Variants in PLCE1 observed in about 807,000 individuals in gnomAD.
PLCE1 encodes phospholipase C epsilon 1, also known as 1-phosphatidylinositol 4,5-bisphosphate phosphodiesterase epsilon-1.
PLCE1 carries 119 observed loss-of-function variants against 242.8 expected under a neutral mutation model. That is an observed-to-expected ratio of 0.49 (90% CI 0.42 to 0.57). PLCE1 has a LOEUF of 0.57. Ranked by LOEUF, PLCE1 falls within the 20% of genes least tolerant of loss-of-function variation. The pLI, the probability that PLCE1 is intolerant of heterozygous loss-of-function variation, is 0.00. For synonymous variants in PLCE1, 945 were observed against 1,017.4 expected (o/e 0.93, Z 1.35); for missense variants, 2,441 against 2,788.8 (o/e 0.88, Z 2.81).
At chr10:94,279,607 C>A in intron 19 of PLCE1, 175 bp from the exon 20 acceptor site, 1 of 668,134 alleles carries the variant, frequency 1.5e-6, no homozygotes, top group South Asian at 1.8e-5. Flanking sequence ...TAACGTTCAC[C>A]CAAGTGTTGA....
intron 3 of PLCE1, among the ~76,000 whole-genome samples, chr10:94,146,281 A>C (rs111373528): frequency 2.0e-5 from 3 of 152,284 alleles, no homozygotes; most frequent in African/African-American, 7.2e-5. Flanking sequence ...GGCATGAGAC[A>C]CTGGTTACAG....
intron 2 of PLCE1, among the ~76,000 whole-genome samples, chr10:94,058,317 C>T (rs1302009050): frequency 6.6e-6 from 1 of 152,066 alleles, no homozygotes; most frequent in Non-Finnish European, 1.5e-5. Flanking sequence ...TTTTGCCTGT[C>T]TCTGGAATTA....
intron 2 of PLCE1, chr10:94,105,139 A>G (rs1331780402): frequency 1.3e-5 from 2 of 152,240 alleles, no homozygotes; most frequent in Non-Finnish European, 2.9e-5. Context: ...AAATAATCAG[A>G]GGAGACCCTT....
chr10:94,227,026 G>A (rs2049969114), intron 4 of PLCE1: 1 of 364,796 alleles, frequency 2.7e-6, no homozygotes, highest in Non-Finnish European at 5.3e-6. Flanking sequence ...ATAGGCGCCT[G>A]CCACCATGCC....
At chr10:94,241,072 AT>A (rs1390998671) in intron 7 of PLCE1, among the ~76,000 whole-genome samples, 2 of 152,192 alleles carry the variant, frequency 1.3e-5, no homozygotes, top group Non-Finnish European at 2.9e-5. Flanking sequence ...ATTACAAACA[AT>A]TGTCAATTTT....
chr10:94,217,630 A>G (rs138655253), intron 4 of PLCE1, among the ~76,000 whole-genome samples: 5 of 152,338 alleles, frequency 3.3e-5, no homozygotes, highest in African/African-American at 1.2e-4. Context: ...GCTGTTGGCA[A>G]TTCCCCAAAT....
At chr10:94,315,301 T>C (rs921388331) in intron 28 of PLCE1, 36 of 422,510 alleles carry the variant, frequency 8.5e-5, no homozygotes, top group African/African-American at 7.3e-4. Context: ...CTCTGGGCTT[T>C]GCCTTATTGG....
chr10:94,134,473 T>G (rs1489392760), intron 3 of PLCE1, among the ~76,000 whole-genome samples: 1 of 152,230 alleles, frequency 6.6e-6, no homozygotes, highest in Non-Finnish European at 1.5e-5. Flanking sequence ...AAAACCCAGA[T>G]GGGTTTCTCA....
chr10:94,252,546 G>T lies in PLCE1; in HGVS notation c.3279+48G>T, dbSNP rs548285411. On this transcript the variant is annotated intron_variant, in intron 9 of 32. Coordinates refer to ENST00000371380, the MANE Select transcript of PLCE1 (RefSeq NM_016341.4). Reference sequence around the variant, plus strand: ...AGCATTAAACCCATCTTCCAGGACCGCTGTATGGTGAACATCACCATAAAA... The same window carrying T: ...AGCATTAAACCCATCTTCCAGGACCTCTGTATGGTGAACATCACCATAAAA... 20 of 1,471,412 alleles carry T rather than the reference G, an allele frequency of 1.4e-5. No individual in the cohort carries two copies. In the East Asian group the frequency reaches 1.7e-4, roughly 12 times the overall value. 91.1% of individuals were successfully genotyped at this position (1,471,412 alleles called of 1,614,324 possible).
chr10:94,258,213 C>A (rs2051172163), intron 11 of PLCE1, among the ~76,000 whole-genome samples: 1 of 152,180 alleles, frequency 6.6e-6, no homozygotes, highest in African/African-American at 2.4e-5. Context: ...AATCTTCCCA[C>A]CTCAGCCTTC....
At chr10:94,285,858 T>C (rs1414079386) in intron 22 of PLCE1, among the ~76,000 whole-genome samples, 2 of 152,152 alleles carry the variant, frequency 1.3e-5, no homozygotes, top group African/African-American at 4.8e-5. Flanking sequence ...AGAAGTACAG[T>C]GGACAGGCTG....
chr10:94,029,010 G>A (rs960453700), intron 1 of PLCE1, among the ~76,000 whole-genome samples: 2 of 152,122 alleles, frequency 1.3e-5, no homozygotes, highest in South Asian at 2.1e-4. Context: ...GTATGTGACT[G>A]CTGAATCCAG....
At chr10:94,043,292 C>T (rs996827673) in intron 2 of PLCE1, among the ~76,000 whole-genome samples, 3 of 152,198 alleles carry the variant, frequency 2.0e-5, no homozygotes, top group Admixed American at 2.0e-4. Flanking sequence ...GTCGAACCCG[C>T]TATGGAAACC....
At chr10:94,046,706 G>C (rs1204057731) in intron 2 of PLCE1, among the ~76,000 whole-genome samples, 1 of 152,192 alleles carries the variant, frequency 6.6e-6, no homozygotes, top group African/African-American at 2.4e-5. Flanking sequence ...GCTCCATAAT[G>C]ATTAAAGGTA....
At chr10:94,054,092 G>C (rs1378431714) in intron 2 of PLCE1, among the ~76,000 whole-genome samples, 2 of 152,044 alleles carry the variant, frequency 1.3e-5, no homozygotes, top group African/African-American at 4.8e-5. Context: ...TGGTCTAGTG[G>C]GGCCTTCCTT....
At chr10:94,136,199 A>T (rs2046769032) in intron 3 of PLCE1, among the ~76,000 whole-genome samples, 1 of 152,170 alleles carries the variant, frequency 6.6e-6, no homozygotes, top group Admixed American at 6.5e-5. Flanking sequence ...AATCATAGAG[A>T]CCTTAAGTAG....
At chr10:94,126,380 G>T (rs2046436760) in intron 2 of PLCE1, among the ~76,000 whole-genome samples, 2 of 152,168 alleles carry the variant, frequency 1.3e-5, no homozygotes, top group African/African-American at 4.8e-5. Flanking sequence ...ACTTCAGCAA[G>T]TCCTGTAGAA....
intron 2 of PLCE1, among the ~76,000 whole-genome samples, chr10:94,077,135 G>A (rs2044527677): frequency 1.3e-5 from 2 of 152,312 alleles, no homozygotes; most frequent in South Asian, 2.1e-4. Flanking sequence ...GCACTTATGA[G>A]TGTATCAGGG....
intron 1 of PLCE1, among the ~76,000 whole-genome samples, chr10:94,008,742 T>C (rs907074359): frequency 1.3e-5 from 2 of 152,182 alleles, no homozygotes; most frequent in African/African-American, 2.4e-5. Context: ...AATACTTTGG[T>C]AAATAGTCAG....
Sources: gnomAD v4.1 joint callset for allele counts (sites outside exome capture counted in the v4.1 genomes callset) on GRCh38, gnomAD v4.1.1 for gene constraint, MANE v1.5 for transcripts, NCBI Gene and HGNC (gene_info 2026-07-23, HGNC 2026-07-21) for gene names.